The following ISL1 variants were observed in gnomAD, a reference collection of about 807,000 sequenced individuals.
The protein encoded by ISL1 is insulin gene enhancer protein ISL-1.
In ISL1, 4 loss-of-function variants were observed where a neutral mutation model predicts 35.3. The ratio of observed to expected loss-of-function variants is 0.11; its 90% CI spans 0.06 to 0.26. The LOEUF is 0.26. ISL1 is among the 10% of genes least tolerant of loss of function. The pLI, the probability that ISL1 is intolerant of heterozygous loss-of-function variation, is 1.00. For synonymous variants in ISL1, 186 were observed against 172.3 expected, an observed-to-expected ratio of 1.08 and a Z score of -0.62; for missense variants, 340 against 472.8, an observed-to-expected ratio of 0.72 and a Z score of 2.60.
intron 2 of ISL1, chr5:51,386,412 GTAA>G: frequency 5.6e-6 from 2 of 357,120 alleles, no homozygotes; most frequent in Non-Finnish European, 1.1e-5. Context: ...GTGTGTGTGT[GTAA>G]TCTTGTAGTT....
rs547738426 is a variant in ISL1, at chr5:51,383,717, C to T, written c.28+18C>T. 8.1e-6 allele frequency: 13 copies of T among 1,604,760 alleles called. No homozygotes were observed. In the East Asian group the frequency reaches 8.9e-5, roughly 11 times the overall value. ...ACCAAAAAGTAAGAGGCTATTTTACCTTGTGGGGCTCGGTGTGCTGTTCTT... is the reference window on the plus strand; with the variant it reads ...ACCAAAAAGTAAGAGGCTATTTTACTTTGTGGGGCTCGGTGTGCTGTTCTT... On this transcript the variant is annotated intron_variant, in intron 1 of 5. Coordinates refer to ENST00000230658, the MANE Select transcript of ISL1 (RefSeq NM_002202.3).
intron 5 of ISL1, among the ~76,000 whole-genome samples, chr5:51,391,887 G>T (rs138365405): frequency 1.3e-5 from 2 of 152,276 alleles, no homozygotes; most frequent in African/African-American, 4.8e-5. Flanking sequence ...AAATCAAGGC[G>T]ATTGTAGTAT....
Position 51,393,699 on chromosome 5 carries a change from G to C in ISL1, c.*89G>C. On this transcript the variant is annotated 3_prime_UTR_variant, in exon 6 of 6. Coordinates refer to ENST00000230658, the MANE Select transcript of ISL1 (RefSeq NM_002202.3). ...TGAAACAAAAGTATTTAACGACCCA[G>C]TCAATGAAAACTGAATCAAGAAATG... The C allele has an allele frequency of 3.5e-6, 3 of 857,768 alleles. No homozygotes were observed. In the South Asian group the frequency reaches 4.0e-5, roughly 11 times the overall value. 53.1% of individuals were successfully genotyped at this position (857,768 alleles called of 1,614,324 possible).
At chr5:51,390,576 C>G (rs979930485) in intron 4 of ISL1, among the ~76,000 whole-genome samples, 5 of 150,568 alleles carry the variant, frequency 3.3e-5, no homozygotes, top group African/African-American at 1.2e-4. Context: ...AGCACCCACT[C>G]TGCAGGCCTC....
chr5:51,390,668 T>C (rs1168358571), intron 4 of ISL1, among the ~76,000 whole-genome samples: 4 of 133,122 alleles, frequency 3.0e-5, no homozygotes, highest in African/African-American at 1.1e-4. Flanking sequence ...TTTTTTTTTT[T>C]TTTTTTTTTT....
In ISL1 at chr5:51,387,418, C is replaced by G; in HGVS notation, c.219-72C>G. 1.3e-6 allele frequency: 2 copies of G among 1,552,292 alleles called. No homozygotes were observed. Among genetic ancestry groups the G allele is most frequent in the South Asian group, 2.3e-5 (2 of 86,640 alleles). ...GATCTTGGGCCAGGGAAGTGCCGGC[C>G]TGAAGTGACCCCCTCTTCCTGTACT... On this transcript the variant is annotated intron_variant, in intron 2 of 5. Coordinates refer to ENST00000230658, the MANE Select transcript of ISL1 (RefSeq NM_002202.3). The surrounding 1 kb of genome is among the most constrained non-coding windows in gnomAD (Gnocchi z 4.3).
rs1457657969 is a variant in ISL1 at position 51,383,565 on chromosome 5, A to G, written c.-107A>G. 7 of 970,912 alleles carry G rather than the reference A, an allele frequency of 7.2e-6. No homozygotes were observed. The highest frequency in any genetic ancestry group is 3.8e-5 in the South Asian group (3 of 77,998). 60.1% of individuals were successfully genotyped at this position (970,912 alleles called of 1,614,324 possible). On this transcript the variant is annotated 5_prime_UTR_variant, in exon 1 of 6. Coordinates refer to ENST00000230658, the MANE Select transcript of ISL1 (RefSeq NM_002202.3). ...CGGCTCTTTCAGCATTGGCAACCCCAGGGGCCAATATTTCCCACTTAGCCA... is the reference window on the plus strand; with the variant it reads ...CGGCTCTTTCAGCATTGGCAACCCCGGGGGCCAATATTTCCCACTTAGCCA...
At chr5:51,393,428 G>C (rs529746647) in intron 5 of ISL1, 66 bp from the exon 6 acceptor site, 1 of 879,818 alleles carries the variant, frequency 1.1e-6, no homozygotes, top group Non-Finnish European at 2.0e-6. Context: ...ACAATATGAT[G>C]AGTTTATAAT....
At chr5:51,384,403 T>TA (rs61652519) in intron 1 of ISL1, 138 bp from the exon 2 acceptor site, 37,428 of 574,818 alleles carry the variant, frequency 0.065, 133 homozygotes, top group Middle Eastern at 0.087. Flanking sequence ...TGCAATGCTC[T>TA]AAAAAAAAAA....
In ISL1 at chr5:51,391,322, A is replaced by G; in HGVS notation, c.814A>G (p.Arg272Gly). The G allele has an allele frequency of 6.2e-7, 1 of 1,613,694 alleles. No individual in the cohort carries two copies. The stretch of plus-strand genomic sequence containing the variant: ...TCCCATGGTGGCTGCCAGTCCAGAG[A>G]GACACGACGGTGGCTTACAGGCTAA... Reference protein sequence around the residue: ...GTPMVAASPERHDGGLQANPV... With the variant: ...GTPMVAASPEGHDGGLQANPV... The change falls in exon 5 of 6, where the codon AGA becomes GGA. Residue 272 changes from arginine to glycine, a missense_variant. Physicochemically the swap from Arg to Gly is moderately radical, Grantham distance 125. Around this residue, in one of 7 missense-constraint regions of ISL1, gnomAD observed 104 missense variants for 97.3 expected, o/e 1.07. Coordinates refer to ENST00000230658, the MANE Select transcript of ISL1 (RefSeq NM_002202.3).
chr5:51,384,996 C>T (rs1383579621), intron 2 of ISL1, among the ~76,000 whole-genome samples: 1 of 152,170 alleles, frequency 6.6e-6, no homozygotes, highest in African/African-American at 2.4e-5. Flanking sequence ...GTTTATGATG[C>T]ACAAATTATT....
Position 51,387,719 on chromosome 5 carries a change from C to A in ISL1, c.448C>A (p.Leu150Met), listed in dbSNP as rs1191787208. The A allele has an allele frequency of 6.2e-7, 1 of 1,614,194 alleles. No homozygotes were observed. The highest frequency in any genetic ancestry group is 1.3e-5 in the African/African-American group (1 of 75,074). ...SLGAGDPLSP[L>M]HPARPLQMAA... ...AGGCGCTGGCGACCCGCTCAGTCCC[C>A]TGCATCCAGCGCGGCCACTGCAAAT... The change falls in exon 3 of 6, where the codon CTG becomes ATG. Residue 150 changes from leucine (L) to methionine (M), a missense_variant. This residue lies in a region of ISL1 where 94 missense variants were observed against 102.1 expected (regional missense o/e 0.92). Coordinates refer to ENST00000230658, the MANE Select transcript of ISL1 (RefSeq NM_002202.3). The surrounding 1 kb of genome is among the most constrained non-coding windows in gnomAD (Gnocchi z 4.3).
chr5:51,387,877 T>C lies in ISL1; in HGVS notation c.478+128T>C, dbSNP rs1272363048. The C allele has an allele frequency of 7.9e-7, 1 of 1,264,156 alleles. No individual in the cohort carries two copies. The highest frequency in any genetic ancestry group is 2.5e-5 in the East Asian group (1 of 39,644). The allele number at this position is 1,264,156 out of a possible 1,614,324, so 78.3% of individuals were successfully genotyped here. The stretch of plus-strand genomic sequence containing the variant: ...GCCTGCAGTTAAATGAAGTGTTCTG[T>C]ATGCAATTTGCGCTGTGCTCTGCTC... On this transcript the variant is annotated intron_variant, in intron 3 of 5. Coordinates refer to ENST00000230658, the MANE Select transcript of ISL1 (RefSeq NM_002202.3). The surrounding 1 kb of genome is among the most constrained non-coding windows in gnomAD (Gnocchi z 4.3).
In ISL1 at chr5:51,387,746, G is replaced by C. The variant is rs1319037186; in HGVS notation, c.475G>C (p.Ala159Pro). ...GCATCCAGCGCGGCCACTGCAAATGGCAGGTACTCCTCTGCCCGGCTCGGG... is the reference window on the plus strand; with the variant it reads ...GCATCCAGCGCGGCCACTGCAAATGCCAGGTACTCCTCTGCCCGGCTCGGG... ...PLHPARPLQMAAEPISARQPA... is the reference protein window; with the variant it reads ...PLHPARPLQMPAEPISARQPA... Residue 159 changes from alanine (A) to proline (P), a missense_variant, in exon 3 of 6, where the codon GCA becomes CCA. Ala to Pro is a conservative substitution (Grantham distance 27, BLOSUM62 -1). This residue lies in a region of ISL1 where 94 missense variants were observed against 102.1 expected (regional missense o/e 0.92). Transcript: ENST00000230658. This position sits in a 1 kb window ranked among gnomAD's most constrained non-coding sequence, Gnocchi z 4.3. 6.2e-7 allele frequency: 1 copy of C among 1,614,116 alleles called. No individual in the cohort carries two copies. Among genetic ancestry groups the C allele is most frequent in the Non-Finnish European group, 8.5e-7 (1 of 1,180,040 alleles).
intron 5 of ISL1, among the ~76,000 whole-genome samples, chr5:51,391,871 G>T (rs1747524225): frequency 6.6e-6 from 1 of 152,070 alleles, no homozygotes; most frequent in South Asian, 2.1e-4. Context: ...GGGATATATA[G>T]GACCCAAATC....
At chr5:51,390,043 G>C in intron 4 of ISL1, 111 bp downstream of exon 4, 1 of 1,304,398 alleles carries the variant, frequency 7.7e-7, no homozygotes, top group Middle Eastern at 2.2e-4. Flanking sequence ...TCCTGGGCAG[G>C]AGTTTGGCCG....
Position 51,391,441 on chromosome 5 carries a change from G to A in ISL1, c.933G>A (p.Leu311=), listed in dbSNP as rs781146312. Residue 311 remains leucine, a splice_region_variant and synonymous_variant, in exon 5 of 6, where the codon CTG becomes CTA. Coordinates refer to ENST00000230658, the MANE Select transcript of ISL1 (RefSeq NM_002202.3). ...SDIDQPAFQQ[L]VNFSEGGPGS... is the part of the protein sequence containing the mutation. ...TAGATCAGCCTGCTTTTCAGCAACT[G>A]GTAAGTGTCAGCTCCCAGATGGAAG... 9 of 1,613,982 alleles carry A rather than the reference G, an allele frequency of 5.6e-6. No homozygotes were observed. In the Admixed American group the frequency reaches 1.5e-4, roughly 27 times the overall value.
intron 2 of ISL1, among the ~76,000 whole-genome samples, chr5:51,386,944 C>G (rs558689862): frequency 6.6e-6 from 1 of 152,136 alleles, no homozygotes; most frequent in African/African-American, 2.4e-5. Context: ...GTTTGCAAAC[C>G]GAGTGGGGTG....
intron 5 of ISL1, 40 bp downstream of exon 5, chr5:51,391,481 A>G (rs1271217267): frequency 1.2e-6 from 2 of 1,608,374 alleles, no homozygotes; most frequent in Non-Finnish European, 8.5e-7. Context: ...TGAATTCCCA[A>G]CAGGAGACTC....
Sources: allele counts gnomAD v4.1 joint callset (sites outside exome capture counted in the v4.1 genomes callset), GRCh38; gene constraint gnomAD v4.1.1; regional missense constraint gnomAD v4.1.1; non-coding constraint Gnocchi (gnomAD v3.1); transcripts MANE v1.5; gene names NCBI Gene and HGNC (gene_info 2026-07-23, HGNC 2026-07-21).